Variants in SSBP4 observed in about 807,000 individuals in gnomAD.
SSBP4 encodes the protein single stranded DNA binding protein 4.
A neutral mutation model predicts 64.6 loss-of-function variants in SSBP4; 33 were observed. That is an observed-to-expected ratio of 0.51 (90% CI 0.39 to 0.68). The LOEUF is 0.68. Ranked by LOEUF, SSBP4 falls within the 30% of genes least tolerant of loss-of-function variation. SSBP4 has a pLI of 0.00. For synonymous variants in SSBP4, 243 were observed against 224.0 expected (o/e 1.08, Z -0.76); for missense variants, 583 against 566.8 (o/e 1.03, Z -0.29).
At chr19:18,415,970 C>G (rs1474154594), upstream of SSBP4, among the ~76,000 whole-genome samples, 2 of 152,126 alleles carry the variant, frequency 1.3e-5, no homozygotes, top group African/African-American at 4.8e-5. Flanking sequence ...CCTCCCCGCC[C>G]CCTCTGTGCC....
chr19:18,419,122 A>G (rs1267247988), upstream of SSBP4: 2 of 985,368 alleles, frequency 2.0e-6, no homozygotes, highest in African/African-American at 1.7e-5. Flanking sequence ...TGGGTGTACA[A>G]CAATGTGGGT....
intron 1 of SSBP4, among the ~76,000 whole-genome samples, chr19:18,420,412 C>T (rs1972362013): frequency 6.6e-6 from 1 of 151,988 alleles, no homozygotes; most frequent in Non-Finnish European, 1.5e-5. Flanking sequence ...GGGGCAGGTT[C>T]CACCGTGCGG....
At position 18,430,920 on chromosome 19, in the gene SSBP4, GCTT is replaced by G; in HGVS notation, c.364_366del (p.Phe122del). ...ATGGCCGCAGGCTCCATGGCGGCTG[GCTT>G]CTTCCAGGTATGGCCCCGGCTGGAG... On this transcript the variant is annotated inframe_deletion, in exon 5 of 18. Transcript: ENST00000270061. The G allele has an allele frequency of 6.2e-7, 1 of 1,612,384 alleles. No individual in the cohort carries two copies. Among genetic ancestry groups the G allele is most frequent in the South Asian group, 1.1e-5 (1 of 91,070 alleles).
In SSBP4 at chr19:18,431,871, G is replaced by T; in HGVS notation, c.565+9G>T. 1 of 1,571,260 alleles carries T rather than the reference G, an allele frequency of 6.4e-7. No individual in the cohort carries two copies. Among genetic ancestry groups the T allele is most frequent in the East Asian group, 2.4e-5 (1 of 42,534 alleles). On this transcript the variant is annotated intron_variant, in intron 8 of 17. Transcript: ENST00000270061. ...CTCCCCACGAGCCCAGGGTGAGTAG[G>T]GAAGCTCCAGCCCCTATCCCGCCAT...
chr19:18,413,663 T>G, the SSBP4 span, among the ~76,000 whole-genome samples: 2 of 152,062 alleles, frequency 1.3e-5, no homozygotes, highest in Non-Finnish European at 2.9e-5. Flanking sequence ...GGGGAGGTCG[T>G]GGGAAATGAA....
rs1429154244 is a variant in SSBP4, at chr19:18,427,103, G to A, written c.60-248G>A. On this transcript the variant is annotated intron_variant, in intron 1 of 17. Coordinates refer to ENST00000270061, the MANE Select transcript of SSBP4 (RefSeq NM_032627.5). This position sits in a 1 kb window ranked among gnomAD's most constrained non-coding sequence, Gnocchi z 4.4. ...GCTGAGGCCTCTCTGGAGTCTCAGT[G>A]TTGGCAGGACATGGCCAGGACTTGG... Among the ~76,000 whole-genome samples the A allele has an allele frequency of 2.0e-5, 3 of 152,196 alleles. No individual in the cohort carries two copies. The highest frequency in any genetic ancestry group is 4.4e-5 in the Non-Finnish European group (3 of 68,020).
chr19:18,433,154 C>T lies in SSBP4; in HGVS notation c.932C>T (p.Pro311Leu), dbSNP rs771309431. The change falls in exon 15 of 18, where the codon CCG becomes CTG. Residue 311 changes from proline (P) to leucine (L), a missense_variant. Pro to Leu is a moderately conservative substitution (Grantham distance 98, BLOSUM62 -3). Around this residue, in one of 5 missense-constraint regions of SSBP4, gnomAD observed 444 missense variants for 386.6 expected, o/e 1.15. Coordinates refer to ENST00000270061, the MANE Select transcript of SSBP4 (RefSeq NM_032627.5). ...GRANFPLGPGPEGPMAAMSAM... is the reference protein window; with the variant it reads ...GRANFPLGPGLEGPMAAMSAM... ...CCGCAGTTCCCGCTCGGCCCTGGCC[C>T]GGAGGGCCCCATGGCCGCCATGAGC... 7 of 1,600,046 alleles carry T rather than the reference C, an allele frequency of 4.4e-6. No individual in the cohort carries two copies. The Admixed American group carries it at 5.2e-5, about 12-fold the overall frequency.
At chr19:18,431,515 G>A in intron 6 of SSBP4, 97 bp downstream of exon 6, 1 of 1,339,858 alleles carries the variant, frequency 7.5e-7, no homozygotes, top group Non-Finnish European at 1.0e-6. Context: ...GCTGGTGCCA[G>A]CTGGCCGGGC....
Position 18,423,465 on chromosome 19 carries a change from G to C in SSBP4, c.59+3758G>C, listed in dbSNP as rs574238760. 6.6e-6 allele frequency among the ~76,000 whole-genome samples: 1 copy of C among 152,296 alleles called. No homozygotes were observed. Among genetic ancestry groups the C allele is most frequent in the South Asian group, 2.1e-4 (1 of 4,824 alleles). ...GAGGGGAGGGAGGACGGCGAGGGTT[G>C]GAGGGTCAGGAGTGAGACCTGGTGA... is the stretch of plus-strand genomic sequence containing the variant. On this transcript the variant is annotated intron_variant, in intron 1 of 17. Coordinates refer to ENST00000270061, the MANE Select transcript of SSBP4 (RefSeq NM_032627.5). The surrounding 1 kb of genome is among the most constrained non-coding windows in gnomAD (Gnocchi z 4.0).
the SSBP4 span, among the ~76,000 whole-genome samples, chr19:18,407,389 C>T: frequency 9.9e-5 from 15 of 151,784 alleles, no homozygotes; most frequent in Admixed American, 9.9e-4. Flanking sequence ...GGTCACATGG[C>T]CTTGTTAGTT....
chr19:18,424,256 C>T lies in SSBP4; in HGVS notation c.60-3095C>T, dbSNP rs1160650728. ...CTTACCCCATGGTTCGCCTAATCCT[C>T]CCGGCATCCCAGGAGGGGGTCCCCG... On this transcript the variant is annotated intron_variant, in intron 1 of 17. Transcript: ENST00000270061. 3.3e-5 allele frequency among the ~76,000 whole-genome samples: 5 copies of T among 152,338 alleles called. No individual in the cohort carries two copies. The South Asian group carries it at 1.0e-3, about 32-fold the overall frequency.
At chr19:18,432,480 C>G in intron 10 of SSBP4, 79 bp from the exon 11 acceptor site, 1 of 1,503,530 alleles carries the variant, frequency 6.7e-7, no homozygotes. Flanking sequence ...TACAGTGGAG[C>G]AGGGTGTGGG....
In SSBP4 at chr19:18,431,397, C is replaced by A; in HGVS notation, c.414C>A (p.Pro138=). ...CGTCCCCCCACAACCCCAACGCCCCCATGATGGGGCCTCACGGTCAGGTAA... is the reference window on the plus strand; with the variant it reads ...CGTCCCCCCACAACCCCAACGCCCCAATGATGGGGCCTCACGGTCAGGTAA... ...SQPSPHNPNA[P]MMGPHGQPFM... is the part of the protein sequence containing the mutation. The change falls in exon 6 of 18, where the codon CCC becomes CCA. Residue 138 remains proline, a synonymous_variant. Coordinates refer to ENST00000270061, the MANE Select transcript of SSBP4 (RefSeq NM_032627.5). 6.6e-7 allele frequency: 1 copy of A among 1,513,382 alleles called. No homozygotes were observed. Among genetic ancestry groups the A allele is most frequent in the Non-Finnish European group, 8.9e-7 (1 of 1,120,646 alleles). The allele number at this position is 1,513,382 out of a possible 1,614,324, so 93.7% of individuals were successfully genotyped here.
At chr19:18,406,817 C>G in the SSBP4 span, among the ~76,000 whole-genome samples, 1 of 151,956 alleles carries the variant, frequency 6.6e-6, no homozygotes, top group Non-Finnish European at 1.5e-5. Context: ...GCGGTCAGGA[C>G]CAGAAGTAGG....
chr19:18,418,343 C>G (rs905908885), upstream of SSBP4, among the ~76,000 whole-genome samples: 6 of 152,244 alleles, frequency 3.9e-5, no homozygotes, highest in Non-Finnish European at 5.9e-5. This position sits in a 1 kb window ranked among gnomAD's most constrained non-coding sequence, Gnocchi z 6.7. Context: ...CCCATCCACA[C>G]ACGACCCACT....
At chr19:18,428,036 C>T in intron 4 of SSBP4, 54 bp downstream of exon 4, 1 of 899,062 alleles carries the variant, frequency 1.1e-6, no homozygotes, top group Non-Finnish European at 1.6e-6. Context: ...TGTGCTGGGC[C>T]TGTGGCTGGG....
Position 18,419,528 on chromosome 19 carries a change from C to A in SSBP4, c.-121C>A. The A allele has an allele frequency of 8.9e-7, 1 of 1,126,764 alleles. No homozygotes were observed. The highest frequency in any genetic ancestry group is 1.1e-6 in the Non-Finnish European group (1 of 919,168). The allele number at this position is 1,126,764 out of a possible 1,614,324, so 69.8% of individuals were successfully genotyped here. On this transcript the variant is annotated 5_prime_UTR_variant, in exon 1 of 18. Transcript: ENST00000270061. ...GCTCCCCCGCGCGGACGATGCCTGC[C>A]GTGCCCGCCTGGGGCTCGGGGCGGT...
At position 18,433,053 on chromosome 19, in the gene SSBP4, G is replaced by T. The variant is rs769239757; in HGVS notation, c.912+10G>T. 9 of 1,614,054 alleles carry T rather than the reference G, an allele frequency of 5.6e-6. No homozygotes were observed. Among genetic ancestry groups the T allele is most frequent in the Non-Finnish European group, 6.8e-6 (8 of 1,180,028 alleles). On this transcript the variant is annotated intron_variant, in intron 14 of 17. Transcript: ENST00000270061. ...CGCCGGCAGGGCTAATGTGAGTGGG[G>T]GCTTGCAGGGGTGCTTCTCGAGGCG...
At position 18,425,159 on chromosome 19, in the gene SSBP4, CGAG is replaced by C. The variant is rs1972755794; in HGVS notation, c.60-2189_60-2187del. On this transcript the variant is annotated intron_variant, in intron 1 of 17. Transcript: ENST00000270061. ...TGGGTTAGGCACTTATGGGGACAGTCGAGGAACAGGAGACAAGGAAGGCAGGTA... is the reference window on the plus strand; with the variant it reads ...TGGGTTAGGCACTTATGGGGACAGTCGAACAGGAGACAAGGAAGGCAGGTA... Among the ~76,000 whole-genome samples, 5 of 152,010 alleles carry C rather than the reference CGAG, an allele frequency of 3.3e-5. No homozygotes were observed. The South Asian group carries it at 8.3e-4, about 25-fold the overall frequency.
Sources: allele counts gnomAD v4.1 joint callset (sites outside exome capture counted in the v4.1 genomes callset), GRCh38; gene constraint gnomAD v4.1.1; regional missense constraint gnomAD v4.1.1; non-coding constraint Gnocchi (gnomAD v3.1); transcripts MANE v1.5; gene names NCBI Gene and HGNC (gene_info 2026-07-23, HGNC 2026-07-21).